The following ZNF695 variants were observed in gnomAD, a reference collection of about 807,000 sequenced individuals.
ZNF695 encodes zinc finger protein SBZF3.
Under a neutral mutation model 11.2 loss-of-function variants are expected in ZNF695, and 11 were observed. The observed-to-expected ratio is 0.98, with a 90% CI of 0.62 to 1.62. The LOEUF is 1.62. ZNF695 is among the 40% of genes most tolerant of loss of function. The pLI, the probability that ZNF695 is intolerant of heterozygous loss-of-function variation, is 0.00. For synonymous variants in ZNF695, 190 were observed against 201.4 expected, an observed-to-expected ratio of 0.94 and a Z score of 0.48; for missense variants, 559 against 590.5, an observed-to-expected ratio of 0.95 and a Z score of 0.55.
rs1004463083 is a variant in ZNF695, at chr1:246,953,958, A to G, written c.489-8131T>C. Among the ~76,000 whole-genome samples the G allele has an allele frequency of 2.2e-4, 33 of 151,850 alleles. 1 individual carries two copies. The highest frequency in any genetic ancestry group is 1.2e-3 in the East Asian group (6 of 5,176). ...AAACAAACAAGCAAAAAAAAAAAAA[A>G]AAAGAAACCCGAAAAACAAAGAAGC... On this transcript the variant is annotated intron_variant, in intron 5 of 5. Coordinates refer to the ZNF695 transcript ENST00000487338.
At chr1:246,962,001 T>A (rs571107558) in intron 5 of ZNF695, among the ~76,000 whole-genome samples, 1 of 152,252 alleles carries the variant, frequency 6.6e-6, no homozygotes, top group Non-Finnish European at 1.5e-5. Context: ...CGATCACTGC[T>A]GCCTGTATCT....
In ZNF695 at chr1:247,007,887, C is replaced by A. The variant is rs1669588658; in HGVS notation, c.3+19G>T. On this transcript the variant is annotated intron_variant, in intron 1 of 3. Transcript: ENST00000339986. ...CCACCCCCTCTCCCTTCTCGGGACA[C>A]CCTGCTCCGCACACTCACCATTTCC... The A allele has an allele frequency of 2.6e-6, 4 of 1,549,236 alleles. No individual in the cohort carries two copies. Among genetic ancestry groups the A allele is most frequent in the Non-Finnish European group, 3.5e-6 (4 of 1,143,100 alleles).
At chr1:246,951,789 T>C (rs937350277) in intron 5 of ZNF695, among the ~76,000 whole-genome samples, 2 of 152,160 alleles carry the variant, frequency 1.3e-5, no homozygotes, top group Admixed American at 6.5e-5. Flanking sequence ...GGCCAGCCCT[T>C]TGGGACTAGA....
At chr1:246,973,127 G>A (rs190893159) in intron 4 of ZNF695, among the ~76,000 whole-genome samples, 1,529 of 151,668 alleles carry the variant, frequency 0.01, 22 homozygotes, top group African/African-American at 0.035. Flanking sequence ...TCGGCTCAAC[G>A]CAACCTCCAC....
intron 5 of ZNF695, among the ~76,000 whole-genome samples, chr1:246,961,428 A>G (rs1283603269): frequency 1.3e-5 from 2 of 152,148 alleles, no homozygotes; most frequent in East Asian, 3.8e-4. Flanking sequence ...TTAAATCCTA[A>G]GCCCCATTAT....
intron 5 of ZNF695, among the ~76,000 whole-genome samples, chr1:246,953,716 A>C (rs1390920667): frequency 6.6e-6 from 1 of 152,156 alleles, no homozygotes; most frequent in Non-Finnish European, 1.5e-5. Flanking sequence ...TGAGGTCAGG[A>C]GTTCAAAACC....
Position 246,986,414 on chromosome 1 carries a change from A to C in ZNF695, c.*553T>G. 1 of 985,586 alleles carries C rather than the reference A, an allele frequency of 1.0e-6. No individual in the cohort carries two copies. Among genetic ancestry groups the C allele is most frequent in the Non-Finnish European group, 1.2e-6 (1 of 830,034 alleles). 61.1% of individuals were successfully genotyped at this position (985,586 alleles called of 1,614,324 possible). On this transcript the variant is annotated 3_prime_UTR_variant, in exon 4 of 4. Transcript: ENST00000339986. ...TAATTATAACTTCCCCAAAAGGTGA[A>C]TCTCCTACTTACTTTAACTTAACTT...
intron 3 of ZNF695, chr1:246,996,191 C>T (rs958734966): frequency 3.5e-6 from 1 of 283,052 alleles, no homozygotes; most frequent in Non-Finnish European, 6.9e-6. Context: ...ACTAAAAATA[C>T]AAAAAAAAAA....
intron 3 of ZNF695, among the ~76,000 whole-genome samples, chr1:246,988,492 C>T (rs924415761): frequency 1.3e-5 from 2 of 152,084 alleles, no homozygotes; most frequent in Non-Finnish European, 2.9e-5. Flanking sequence ...TCCAGTACGC[C>T]TCACTGCAGA....
At position 247,003,010 on chromosome 1, in the gene ZNF695, C is replaced by T. The variant is rs1669433517; in HGVS notation, c.4-2936G>A. On this transcript the variant is annotated intron_variant, in intron 1 of 3. Coordinates refer to ENST00000339986, the MANE Select transcript of ZNF695 (RefSeq NM_020394.5). ...GCAGAAACAAAGGAATGCCTATACA[C>T]TGCTGGTGAAAACATAAATTAGCCA... is the stretch of plus-strand genomic sequence containing the variant. 2.0e-5 allele frequency among the ~76,000 whole-genome samples: 3 copies of T among 152,224 alleles called. No homozygotes were observed. In the South Asian group the frequency reaches 6.2e-4, roughly 32 times the overall value.
intron 5 of ZNF695, among the ~76,000 whole-genome samples, chr1:246,947,321 TCAAA>T (rs1667764332): frequency 6.6e-6 from 1 of 151,452 alleles, no homozygotes; most frequent in Non-Finnish European, 1.5e-5. Flanking sequence ...ACTCCTGGGC[TCAAA>T]CAATCCCCCT....
At chr1:246,947,993 T>C (rs1350496681) in intron 5 of ZNF695, among the ~76,000 whole-genome samples, 1 of 152,146 alleles carries the variant, frequency 6.6e-6, no homozygotes, top group Non-Finnish European at 1.5e-5. Flanking sequence ...TAATGTGGTA[T>C]TGGGAAAGAG....
At chr1:246,972,755 A>G (rs1668458511) in intron 4 of ZNF695, among the ~76,000 whole-genome samples, 1 of 151,604 alleles carries the variant, frequency 6.6e-6, no homozygotes, top group Admixed American at 6.6e-5. Context: ...CCTGACCTTG[A>G]GTTCTACCCA....
chr1:246,997,417 C>T lies in ZNF695; in HGVS notation c.259+1931G>A, dbSNP rs572335472. 1.1e-4 allele frequency among the ~76,000 whole-genome samples: 16 copies of T among 152,002 alleles called. No homozygotes were observed. The East Asian group carries it at 1.7e-3, about 17-fold the overall frequency. ...ACTGGGGAGGCTGAGGCAGGATAATCTCTTGAACCCGGGAGGCGGAGGGTG... is the reference window on the plus strand; with the variant it reads ...ACTGGGGAGGCTGAGGCAGGATAATTTCTTGAACCCGGGAGGCGGAGGGTG... On this transcript the variant is annotated intron_variant, in intron 3 of 3. Transcript: ENST00000339986.
intron 4 of ZNF695, among the ~76,000 whole-genome samples, chr1:246,971,568 G>A (rs576380902): frequency 1.3e-5 from 2 of 152,258 alleles, no homozygotes; most frequent in Admixed American, 1.3e-4. Context: ...GCCCTGTCTG[G>A]GCATGACAGA....
chr1:246,976,418 TCA>T (rs1412733279), intron 4 of ZNF695, among the ~76,000 whole-genome samples: 2 of 152,220 alleles, frequency 1.3e-5, no homozygotes, highest in Non-Finnish European at 2.9e-5. Context: ...TTTGAGGCAT[TCA>T]AAGACATAAG....
intron 5 of ZNF695, among the ~76,000 whole-genome samples, chr1:246,948,298 T>G (rs1667789435): frequency 6.6e-6 from 1 of 152,064 alleles, no homozygotes; most frequent in Admixed American, 6.6e-5. Flanking sequence ...GGTCTTGAAC[T>G]CCTGACCTCA....
At chr1:246,965,863 A>T (rs1196175993) in intron 5 of ZNF695, among the ~76,000 whole-genome samples, 3 of 152,098 alleles carry the variant, frequency 2.0e-5, no homozygotes, top group African/African-American at 7.2e-5. Flanking sequence ...TGTAAAAAAT[A>T]AATTCCTTTT....
intron 3 of ZNF695, among the ~76,000 whole-genome samples, chr1:246,994,632 T>C (rs1158935890): frequency 2.0e-5 from 3 of 151,906 alleles, no homozygotes; most frequent in Non-Finnish European, 4.4e-5. Context: ...GGTCAGGAGA[T>C]AGAGACCATC....
Sources: allele counts gnomAD v4.1 joint callset (sites outside exome capture counted in the v4.1 genomes callset), GRCh38; gene constraint gnomAD v4.1.1; transcripts MANE v1.5; gene names NCBI Gene and HGNC (gene_info 2026-07-23, HGNC 2026-07-21).